Variants in SHPRH observed in about 807,000 individuals in gnomAD.
SHPRH encodes E3 ubiquitin-protein ligase SHPRH.
A neutral mutation model predicts 202.5 loss-of-function variants in SHPRH; 106 were observed. That is an observed-to-expected ratio of 0.52 (90% confidence interval 0.45 to 0.62). The LOEUF (loss-of-function observed/expected upper bound fraction) is 0.62, where lower values mean the gene tolerates loss of function less well. Ranked by LOEUF, SHPRH falls within the 20% of genes least tolerant of loss-of-function variation. The probability of loss-of-function intolerance (pLI) is 0.00; values close to 1 mark genes in which losing one functional copy is unlikely to be tolerated. For missense variants in SHPRH, 1,710 were observed against 2,020.0 expected, an observed-to-expected ratio of 0.85 and a Z score of 2.94; for synonymous variants, 729 against 686.0, an observed-to-expected ratio of 1.06 and a Z score of -0.98.
At chr6:145,955,396 A>C (rs1007013150) in intron 1 of SHPRH, 42 bp from the exon 2 acceptor site, 6 of 1,500,866 alleles carry the variant, frequency 4.0e-6, no homozygotes, top group African/African-American at 1.4e-5. Flanking sequence ...ACAAGAGATG[A>C]TTTAGTATTT....
At position 145,964,320 on chromosome 6, in the gene SHPRH, A is replaced by G. The variant is rs1251886750; in HGVS notation, c.-622T>C. On this transcript the variant is annotated 5_prime_UTR_variant, in exon 1 of 30. Transcript: ENST00000275233. ...TGTAGGGGTCCCCCGGGAGACCCAG[A>G]AACCACAGCGCCTAGCTGCCGGGCG... 6.6e-6 allele frequency: 1 copy of G among 152,226 alleles called. No homozygotes were observed. The highest frequency in any genetic ancestry group is 1.5e-5 in the Non-Finnish European group (1 of 68,068). 9.4% of individuals were successfully genotyped at this position (152,226 alleles called of 1,614,324 possible). A position where few individuals can be genotyped will look rare whatever the true frequency, so the allele number is the denominator to read the frequency against.
chr6:145,873,734 A>AGGGG (rs1562272519), intron 2 of SHPRH, among the ~76,000 whole-genome samples: 2 of 72,296 alleles, frequency 2.8e-5, no homozygotes, highest in Admixed American at 1.8e-4. Context: ...GGAGGGAGGG[A>AGGGG]GGGAGGGAGA....
chr6:145,926,152 A>G (rs1184081777), intron 16 of SHPRH, 52 bp downstream of exon 16: 3 of 1,475,366 alleles, frequency 2.0e-6, no homozygotes, highest in African/African-American at 2.8e-5. Flanking sequence ...TATATGGAGC[A>G]TAAAGTTTGA....
At chr6:145,931,841 TG>T (rs1267477391) in intron 14 of SHPRH, among the ~76,000 whole-genome samples, 2 of 152,032 alleles carry the variant, frequency 1.3e-5, no homozygotes, top group Admixed American at 6.6e-5. Context: ...TTTGTATCAT[TG>T]CTTTTACACA....
intron 14 of SHPRH, among the ~76,000 whole-genome samples, chr6:145,932,629 A>G (rs912243468): frequency 6.6e-6 from 1 of 152,186 alleles, no homozygotes; most frequent in African/African-American, 2.4e-5. Context: ...TGGCACACAA[A>G]TATTTGCTGA....
chr6:145,871,744 T>C (rs549347039), intron 2 of SHPRH, among the ~76,000 whole-genome samples: 2 of 152,182 alleles, frequency 1.3e-5, no homozygotes, highest in South Asian at 2.1e-4. Context: ...CTGAAAGCAA[T>C]CCTTAGCAAA....
chr6:145,885,809 T>C lies in SHPRH; in HGVS notation c.*882A>G, dbSNP rs1463935437. On this transcript the variant is annotated 3_prime_UTR_variant, in exon 30 of 30. Transcript: ENST00000275233. ...TAAAAAGTCTAGTTACACAAGAACA[T>C]GGGAAAGAAAAAGAATCCAAGACAT... 6.6e-6 allele frequency: 1 copy of C among 150,512 alleles called. No homozygotes were observed. The highest frequency in any genetic ancestry group is 1.5e-5 in the Non-Finnish European group (1 of 67,720). 9.3% of individuals were successfully genotyped at this position (150,512 alleles called of 1,614,324 possible). A position where few individuals can be genotyped will look rare whatever the true frequency, so the allele number is the denominator to read the frequency against.
intron 1 of SHPRH, among the ~76,000 whole-genome samples, chr6:145,957,230 GCTAAAA>G (rs1287188317): frequency 2.6e-5 from 4 of 151,826 alleles, no homozygotes; most frequent in Non-Finnish European, 5.9e-5. Flanking sequence ...AACTATAAAA[GCTAAAA>G]CTAAAACTTC....
Position 145,945,473 on chromosome 6 carries a change from C to A in SHPRH, c.1486G>T (p.Val496Leu), listed in dbSNP as rs769717925. Residue 496 changes from valine (V) to leucine (L), a missense_variant, in exon 8 of 30, where the codon GTG (valine) becomes TTG (leucine). Physicochemically the swap from Val to Leu is conservative, Grantham distance 32. Transcript: ENST00000275233. ...MLKCLIFEGLVKQIKGHGFSG... is the reference protein window; with the variant it reads ...MLKCLIFEGLLKQIKGHGFSG... ...AAACCATGGCCTTTGATCTGTTTCA[C>A]GAGACCTTCAAAAATTAAACATTTC... The A allele has an allele frequency of 6.2e-7, 1 of 1,613,140 alleles. No homozygotes were observed. The highest frequency in any genetic ancestry group is 8.5e-7 in the Non-Finnish European group (1 of 1,179,496).
intron 24 of SHPRH, among the ~76,000 whole-genome samples, chr6:145,912,307 A>G (rs975376881): frequency 1.3e-5 from 2 of 152,078 alleles, no homozygotes; most frequent in African/African-American, 4.8e-5. Flanking sequence ...GTATGAACAG[A>G]GCTTGAAAAG....
chr6:145,950,115 A>T (rs979124528), intron 4 of SHPRH, 149 bp downstream of exon 4: 2 of 607,202 alleles, frequency 3.3e-6, no homozygotes, highest in Non-Finnish European at 5.3e-6. Context: ...TTTCAATTTT[A>T]AAGAATTTCT....
intron 20 of SHPRH, 112 bp downstream of exon 20, chr6:145,922,174 G>C: frequency 2.2e-6 from 2 of 898,946 alleles, no homozygotes; most frequent in Admixed American, 3.2e-5. Flanking sequence ...TTTAATTAAA[G>C]AAACAATATA....
intron 2 of SHPRH, among the ~76,000 whole-genome samples, chr6:145,866,273 A>T (rs1779776983): frequency 6.6e-6 from 1 of 152,212 alleles, no homozygotes; most frequent in Non-Finnish European, 1.5e-5. Flanking sequence ...AAAATCTTTA[A>T]CGTCTATTCA....
intron 11 of SHPRH, among the ~76,000 whole-genome samples, chr6:145,940,177 A>G (rs1031922720): frequency 5.9e-5 from 9 of 152,094 alleles, no homozygotes; most frequent in Non-Finnish European, 8.8e-5. Flanking sequence ...CTAAATGCTC[A>G]AGTAAAGGAA....
intron 25 of SHPRH, among the ~76,000 whole-genome samples, chr6:145,896,233 C>A (rs1782001809): frequency 6.6e-6 from 1 of 151,960 alleles, no homozygotes; most frequent in African/African-American, 2.4e-5. Context: ...AGTGTACTTG[C>A]AAGATTAGAA....
chr6:145,958,598 AG>A (rs1007121754), intron 1 of SHPRH, among the ~76,000 whole-genome samples: 2 of 152,152 alleles, frequency 1.3e-5, no homozygotes, highest in African/African-American at 4.8e-5. Context: ...TATGATTCAA[AG>A]GAAGTGATTT....
rs150953725 is a variant in SHPRH at position 145,899,160 on chromosome 6, C to T, written c.4516-4183G>A. On this transcript the variant is annotated intron_variant, in intron 25 of 29. Transcript: ENST00000275233. ...TTACCCAGCCTCAAATATTCTGTTA[C>T]GGCAACATAAAACAGACAAAGAAAA... Among the ~76,000 whole-genome samples, 419 of 152,054 alleles carry T rather than the reference C, an allele frequency of 2.8e-3. 3 individuals are homozygous for T. Among genetic ancestry groups the T allele is most frequent in the Middle Eastern group, 6.8e-3 (2 of 294 alleles).
intron 1 of SHPRH, among the ~76,000 whole-genome samples, chr6:145,963,234 A>G (rs1187737193): frequency 6.6e-6 from 1 of 152,194 alleles, no homozygotes; most frequent in Non-Finnish European, 1.5e-5. Flanking sequence ...TTTTTGTGAC[A>G]GTAGAGATAT....
chr6:145,930,390 T>C (rs565564113), intron 14 of SHPRH, among the ~76,000 whole-genome samples: 4 of 152,306 alleles, frequency 2.6e-5, no homozygotes, highest in South Asian at 2.1e-4. Context: ...TTTAATGCTA[T>C]GAATTTCTTT....
Sources: allele counts gnomAD v4.1 joint callset (sites outside exome capture counted in the v4.1 genomes callset), GRCh38; gene constraint gnomAD v4.1.1; transcripts MANE v1.5; gene names NCBI Gene and HGNC (gene_info 2026-07-23, HGNC 2026-07-21).